The following CCDC149 variants were observed in gnomAD, a reference collection of about 807,000 sequenced individuals.
The protein encoded by CCDC149 is coiled-coil domain-containing protein 149.
A neutral mutation model predicts 59.9 loss-of-function variants in CCDC149; 45 were observed. The ratio of observed to expected loss-of-function variants is 0.75; its 90% CI spans 0.59 to 0.96. The LOEUF (loss-of-function observed/expected upper bound fraction) is 0.96. CCDC149 is among the 40% of genes least tolerant of loss of function. The pLI is 0.00. For missense variants in CCDC149, 584 were observed against 664.7 expected, an observed-to-expected ratio of 0.88 and a Z score of 1.33; for synonymous variants, 245 against 260.6, an observed-to-expected ratio of 0.94 and a Z score of 0.58.
At chr4:24,954,542 A>T (rs945073353) in intron 1 of CCDC149, among the ~76,000 whole-genome samples, 1 of 152,220 alleles carries the variant, frequency 6.6e-6, no homozygotes, top group Non-Finnish European at 1.5e-5. Flanking sequence ...ATGCCACCAA[A>T]GTTCACCACT....
chr4:24,934,577 T>TG (rs1257047047), intron 1 of CCDC149, among the ~76,000 whole-genome samples: 1 of 152,216 alleles, frequency 6.6e-6, no homozygotes, highest in Admixed American at 6.5e-5. Context: ...GGTGGAGATA[T>TG]GGACTCCACT....
intron 1 of CCDC149, among the ~76,000 whole-genome samples, chr4:24,947,903 C>T (rs1264486741): frequency 6.6e-6 from 1 of 151,878 alleles, no homozygotes; most frequent in Non-Finnish European, 1.5e-5. Context: ...AATAATTTCA[C>T]TGGAGAGGAT....
At chr4:24,969,104 C>G (rs2109366018) in intron 1 of CCDC149, among the ~76,000 whole-genome samples, 1 of 152,330 alleles carries the variant, frequency 6.6e-6, no homozygotes, top group East Asian at 1.9e-4. Context: ...TTGAGCCTGT[C>G]CCTGCCCATG....
chr4:24,962,325 G>C (rs1335556080), intron 1 of CCDC149, among the ~76,000 whole-genome samples: 1 of 152,058 alleles, frequency 6.6e-6, no homozygotes, highest in African/African-American at 2.4e-5. Flanking sequence ...GTGCTGGAGA[G>C]GATGTGGAGA....
intron 1 of CCDC149, among the ~76,000 whole-genome samples, chr4:24,880,318 C>T (rs1042516337): frequency 1.2e-4 from 18 of 152,260 alleles, no homozygotes; most frequent in African/African-American, 4.3e-4. Context: ...ATGCAGTACG[C>T]TGTGCCATCT....
chr4:24,970,151 T>C lies in CCDC149; in HGVS notation c.-65+9918A>G, dbSNP rs139584387. On this transcript the variant is annotated intron_variant, in intron 1 of 12. Transcript: ENST00000389609. ...GCCTGAGGGACGTGCTTTACCTCCA[T>C]CAGTATCTGTGCCTACTCAGTCATT... 2.1e-3 allele frequency among the ~76,000 whole-genome samples: 327 copies of C among 152,330 alleles called. 3 individuals are homozygous for C. Among genetic ancestry groups the C allele is most frequent in the Middle Eastern group, 3.4e-3 (1 of 294 alleles).
At chr4:24,845,845 C>T (rs1222399085) in intron 4 of CCDC149, among the ~76,000 whole-genome samples, 1 of 152,222 alleles carries the variant, frequency 6.6e-6, no homozygotes, top group Non-Finnish European at 1.5e-5. Flanking sequence ...TAAGAAGCCC[C>T]TGAATCACTG....
rs184965297 is a variant in CCDC149 at position 24,823,691 on chromosome 4, T to C, written c.966-1118A>G. The stretch of plus-strand genomic sequence containing the variant: ...GTATATTTCTACACATATATATGGC[T>C]GTGGATTTATCCTTGTTTTACCTGA... On this transcript the variant is annotated intron_variant, in intron 9 of 12. Coordinates refer to ENST00000635206, the MANE Select transcript of CCDC149 (RefSeq NM_001330643.2). Among the ~76,000 whole-genome samples the C allele has an allele frequency of 1.3e-4, 20 of 152,338 alleles. No individual in the cohort carries two copies. In the East Asian group the frequency reaches 2.1e-3, roughly 16 times the overall value.
intron 7 of CCDC149, among the ~76,000 whole-genome samples, chr4:24,835,407 C>A (rs1250342464): frequency 6.6e-6 from 1 of 152,178 alleles, no homozygotes; most frequent in African/African-American, 2.4e-5. Flanking sequence ...TATTTCCATG[C>A]ACCAATGGTG....
chr4:24,845,904 C>T lies in CCDC149; in HGVS notation c.372+7168G>A, dbSNP rs576453366. ...TCCCAGAGCCAAAATCTTTAGTGTCCCATCAAGCAGTTTTAAAGAAGCTCT... is the reference window on the plus strand; with the variant it reads ...TCCCAGAGCCAAAATCTTTAGTGTCTCATCAAGCAGTTTTAAAGAAGCTCT... On this transcript the variant is annotated intron_variant, in intron 4 of 12. Transcript: ENST00000635206. Among the ~76,000 whole-genome samples the T allele has an allele frequency of 8.5e-5, 13 of 152,248 alleles. 1 individual carries two copies. The South Asian group carries it at 2.7e-3, about 32-fold the overall frequency.
intron 1 of CCDC149, among the ~76,000 whole-genome samples, chr4:24,958,857 A>G (rs935448975): frequency 6.6e-6 from 1 of 152,060 alleles, no homozygotes; most frequent in South Asian, 2.1e-4. Context: ...CATGGCGAAA[A>G]CCTGCCTCTA....
chr4:24,878,033 TG>T (rs1475133252), intron 1 of CCDC149, among the ~76,000 whole-genome samples: 1 of 152,216 alleles, frequency 6.6e-6, no homozygotes, highest in Non-Finnish European at 1.5e-5. Flanking sequence ...TTTGTCATTA[TG>T]GACGCTCACA....
intron 3 of CCDC149, among the ~76,000 whole-genome samples, chr4:24,870,493 C>T (rs1248446932): frequency 1.3e-5 from 2 of 152,188 alleles, no homozygotes; most frequent in Non-Finnish European, 2.9e-5. Context: ...AGGGAGGCTG[C>T]AGAGCCCAAG....
rs377448038 is a variant in CCDC149 at position 24,966,724 on chromosome 4, A to C, written c.-65+13345T>G. Among the ~76,000 whole-genome samples, 11 of 152,378 alleles carry C rather than the reference A, an allele frequency of 7.2e-5. No individual in the cohort carries two copies. The East Asian group carries it at 1.5e-3, about 21-fold the overall frequency. ...GGAGCAGCAATTTCAGAAAATGCCC[A>C]AGGGGGAGAAGGACATTGCTGCATG... On this transcript the variant is annotated intron_variant, in intron 1 of 12. Coordinates refer to the CCDC149 transcript ENST00000389609.
intron 3 of CCDC149, among the ~76,000 whole-genome samples, chr4:24,857,722 G>A (rs566132195): frequency 1.3e-5 from 2 of 152,318 alleles, no homozygotes; most frequent in South Asian, 4.1e-4. Flanking sequence ...CTAAGAGCCA[G>A]CATTTCTACA....
chr4:24,920,170 A>G (rs1007693633), intron 1 of CCDC149, among the ~76,000 whole-genome samples: 2 of 152,220 alleles, frequency 1.3e-5, no homozygotes, highest in South Asian at 2.1e-4. Context: ...ACATTGGTTT[A>G]TTACCATCTC....
At chr4:24,953,313 T>A (rs73250641) in intron 1 of CCDC149, among the ~76,000 whole-genome samples, 5,256 of 152,286 alleles carry the variant, frequency 0.035, 144 homozygotes, top group African/African-American at 0.071. Context: ...CAGGAACATG[T>A]GCATTGTTAC....
At chr4:24,822,690 A>G in intron 9 of CCDC149, 117 bp from the exon 10 acceptor site, 1 of 631,480 alleles carries the variant, frequency 1.6e-6, no homozygotes, top group Non-Finnish European at 2.7e-6. Context: ...TATGCAAAAA[A>G]TGGAGTATTT....
intron 1 of CCDC149, among the ~76,000 whole-genome samples, chr4:24,919,168 G>A (rs1432399456): frequency 5.9e-5 from 9 of 152,184 alleles, no homozygotes; most frequent in Admixed American, 5.9e-4. Context: ...GAGAGGCTTA[G>A]CAGGGTCTCC....
Sources: gnomAD v4.1 joint callset for allele counts (sites outside exome capture counted in the v4.1 genomes callset) on GRCh38, gnomAD v4.1.1 for gene constraint, MANE v1.5 for transcripts, NCBI Gene and HGNC (gene_info 2026-07-23, HGNC 2026-07-21) for gene names.